The following RTN3 variants were observed in gnomAD, a reference collection of about 807,000 sequenced individuals.
RTN3 encodes the protein reticulon 3, also known as reticulon-3.
A neutral mutation model predicts 77.8 loss-of-function variants in RTN3; 49 were observed. The observed-to-expected ratio is 0.63, with a 90% CI of 0.50 to 0.80. The LOEUF (loss-of-function observed/expected upper bound fraction) is 0.80, where lower values mean the gene tolerates loss of function less well. Ranked by LOEUF, RTN3 falls within the 30% of genes least tolerant of loss-of-function variation. The probability of loss-of-function intolerance (pLI) is 0.00; values close to 1 mark genes in which losing one functional copy is unlikely to be tolerated. For missense variants in RTN3, 1,236 were observed against 1,211.9 expected, an observed-to-expected ratio of 1.02 and a Z score of -0.29; for synonymous variants, 464 against 446.9, an observed-to-expected ratio of 1.04 and a Z score of -0.48.
At chr11:63,730,050 T>C (rs1051259977) in intron 3 of RTN3, among the ~76,000 whole-genome samples, 1 of 152,182 alleles carries the variant, frequency 6.6e-6, no homozygotes, top group Non-Finnish European at 1.5e-5. Context: ...CACTGCAACC[T>C]CTGCCTTCCG....
At chr11:63,734,734 A>AACACACACACACACACAC (rs754454322) in intron 3 of RTN3, among the ~76,000 whole-genome samples, 36 of 81,314 alleles carry the variant, frequency 4.4e-4, no homozygotes, top group African/African-American at 1.1e-3. Context: ...TCTGTCTCAA[A>AACACACACACACACACAC]ACACACACAC....
rs1281370969 is a variant in RTN3 at position 63,758,362 on chromosome 11, C to G, written c.*161C>G. The G allele has an allele frequency of 6.9e-6, 11 of 1,591,498 alleles. No individual in the cohort carries two copies. Among genetic ancestry groups the G allele is most frequent in the Non-Finnish European group, 9.4e-6 (11 of 1,171,880 alleles). ...TCTCCCATCCTTTCCCTTTAACCCTCAGTATCAAGCACAAAAATTGATGGA... is the reference window on the plus strand; with the variant it reads ...TCTCCCATCCTTTCCCTTTAACCCTGAGTATCAAGCACAAAAATTGATGGA... On this transcript the variant is annotated 3_prime_UTR_variant, in exon 9 of 9. Coordinates refer to ENST00000377819, the MANE Select transcript of RTN3 (RefSeq NM_001265589.2).
chr11:63,704,222 C>T (rs192170169), intron 1 of RTN3, among the ~76,000 whole-genome samples: 3 of 151,666 alleles, frequency 2.0e-5, no homozygotes, highest in South Asian at 2.1e-4. Context: ...AGGCTGGTTT[C>T]GAACTCCTGA....
chr11:63,746,363 TATAG>T (rs905501163), intron 3 of RTN3, among the ~76,000 whole-genome samples: 1 of 152,152 alleles, frequency 6.6e-6, no homozygotes, highest in Non-Finnish European at 1.5e-5. Context: ...TCCCTCTCAG[TATAG>T]ATAGATGTTT....
At chr11:63,708,908 A>ATG (rs1942618544) in intron 2 of RTN3, among the ~76,000 whole-genome samples, 1 of 152,198 alleles carries the variant, frequency 6.6e-6, no homozygotes, top group Admixed American at 6.5e-5. Context: ...AGAAGTATAG[A>ATG]TGTAGTATGT....
At chr11:63,704,823 T>C in intron 1 of RTN3, 28 bp from the exon 2 acceptor site, 1 of 1,544,006 alleles carries the variant, frequency 6.5e-7, no homozygotes. Flanking sequence ...GAGGTTGTCA[T>C]ATTCTCATGC....
chr11:63,742,258 C>T (rs1015449327), intron 3 of RTN3, among the ~76,000 whole-genome samples: 1 of 150,640 alleles, frequency 6.6e-6, no homozygotes, highest in African/African-American at 2.4e-5. Context: ...GGATTACAGG[C>T]ATGAGCCACC....
At chr11:63,696,333 G>T (rs1189575630) in intron 1 of RTN3, among the ~76,000 whole-genome samples, 1 of 150,212 alleles carries the variant, frequency 6.7e-6, no homozygotes, top group East Asian at 2.0e-4. Flanking sequence ...GGAGGTGGAG[G>T]TTGCAGTGAG....
chr11:63,739,517 C>T (rs964839313), intron 3 of RTN3, among the ~76,000 whole-genome samples: 1 of 152,184 alleles, frequency 6.6e-6, no homozygotes, highest in African/African-American at 2.4e-5. Flanking sequence ...CCCAAGATAA[C>T]ACATAGCACA....
chr11:63,725,319 A>G (rs1292787097), intron 3 of RTN3, among the ~76,000 whole-genome samples: 2 of 152,008 alleles, frequency 1.3e-5, no homozygotes, highest in African/African-American at 2.4e-5. Flanking sequence ...TAATTTATTC[A>G]TTTTAACAGC....
intron 3 of RTN3, among the ~76,000 whole-genome samples, chr11:63,741,360 G>A (rs933632285): frequency 6.6e-6 from 1 of 150,436 alleles, no homozygotes; most frequent in Non-Finnish European, 1.5e-5. Context: ...GTGCCACCAC[G>A]CCTGGCTAAT....
intron 1 of RTN3, among the ~76,000 whole-genome samples, chr11:63,702,495 T>C (rs984279909): frequency 6.6e-6 from 1 of 151,588 alleles, no homozygotes; most frequent in African/African-American, 2.4e-5. Flanking sequence ...TTTGTATCTT[T>C]AGTAGAGACA....
Position 63,720,147 on chromosome 11 carries a change from G to GA in RTN3, c.1651dup (p.Thr551AsnfsTer3), listed in dbSNP as rs780998896. The stretch of plus-strand genomic sequence containing the variant: ...AGAGATTCCCAGTTGTGAGAGAGAA[G>GA]AAAAAACATCTAAAAACTTTGAAGA... On this transcript the variant is annotated frameshift_variant, in exon 3 of 9. Transcript: ENST00000377819. LOFTEE classifies it high-confidence loss of function. 2.5e-6 allele frequency: 4 copies of GA among 1,612,346 alleles called. No homozygotes were observed. Among genetic ancestry groups the GA allele is most frequent in the South Asian group, 2.2e-5 (2 of 90,862 alleles).
chr11:63,739,044 A>C (rs987571673), intron 3 of RTN3, among the ~76,000 whole-genome samples: 2 of 152,344 alleles, frequency 1.3e-5, no homozygotes, highest in East Asian at 1.9e-4. Flanking sequence ...AATACCTTAA[A>C]GTTTTTAAAA....
chr11:63,758,161 A>C lies in RTN3; in HGVS notation c.3059A>C (p.Gln1020Pro). ...TCCCCTCCTTTTCTCAATAGGATCCAAGCAAAACTCCCTGGAATCGCCAAA... is the reference window on the plus strand; with the variant it reads ...TCCCCTCCTTTTCTCAATAGGATCCCAGCAAAACTCCCTGGAATCGCCAAA... ...DQTKSIVEKI[Q>P]AKLPGIAKKK... The change falls in exon 9 of 9, where the codon CAA becomes CCA. Residue 1020 changes from glutamine to proline, a missense_variant. Physicochemically the swap from Gln to Pro is moderately conservative, Grantham distance 76. Coordinates refer to ENST00000377819, the MANE Select transcript of RTN3 (RefSeq NM_001265589.2). 2 of 1,603,628 alleles carry C rather than the reference A, an allele frequency of 1.2e-6. No homozygotes were observed. The highest frequency in any genetic ancestry group is 1.7e-6 in the Non-Finnish European group (2 of 1,175,986).
intron 3 of RTN3, among the ~76,000 whole-genome samples, chr11:63,747,378 A>G (rs1488086776): frequency 6.6e-6 from 1 of 152,194 alleles, no homozygotes; most frequent in Admixed American, 6.5e-5. Context: ...GCAGTATTCT[A>G]TTAAGTTCTT....
At chr11:63,699,730 CT>C (rs1942142440) in intron 1 of RTN3, among the ~76,000 whole-genome samples, 1 of 152,228 alleles carries the variant, frequency 6.6e-6, no homozygotes, top group Admixed American at 6.5e-5. Flanking sequence ...TAAAACCAAG[CT>C]TACCACCTCT....
chr11:63,737,701 A>C (rs897564721), intron 3 of RTN3, among the ~76,000 whole-genome samples: 3 of 152,244 alleles, frequency 2.0e-5, no homozygotes, highest in Admixed American at 6.5e-5. Context: ...AGAGGGGTAG[A>C]CAATGCCATT....
chr11:63,720,284 T>C lies in RTN3; in HGVS notation c.1782T>C (p.Asp594=), dbSNP rs1460355671. The change falls in exon 3 of 9, where the codon GAT becomes GAC. Residue 594 remains aspartate (D), a synonymous_variant. Transcript: ENST00000377819. ...KVPDTNVSLE[D]VSEVAPEKPI... ...CCGATACGAATGTCTCCTTAGAAGATGTGAGTGAAGTTGCTCCTGAAAAGC... is the reference window on the plus strand; with the variant it reads ...CCGATACGAATGTCTCCTTAGAAGACGTGAGTGAAGTTGCTCCTGAAAAGC... The C allele has an allele frequency of 1.9e-6, 3 of 1,613,504 alleles. No homozygotes were observed. Among genetic ancestry groups the C allele is most frequent in the Non-Finnish European group, 2.5e-6 (3 of 1,179,714 alleles).
Sources: gnomAD v4.1 joint callset for allele counts (sites outside exome capture counted in the v4.1 genomes callset) on GRCh38, gnomAD v4.1.1 for gene constraint, MANE v1.5 for transcripts, NCBI Gene and HGNC (gene_info 2026-07-23, HGNC 2026-07-21) for gene names.